Variants in IL1RN observed in about 807,000 individuals in gnomAD.
The protein encoded by IL1RN is interleukin 1 receptor antagonist, also known as interleukin-1 receptor antagonist protein.
A neutral mutation model predicts 13.7 loss-of-function variants in IL1RN; 10 were observed. The observed-to-expected ratio is 0.73, with a 90% CI of 0.45 to 1.24. IL1RN has a LOEUF of 1.24. IL1RN is among the 50% of genes most tolerant of loss of function. The pLI, the probability that IL1RN is intolerant of heterozygous loss-of-function variation, is 0.00. For synonymous variants in IL1RN, 102 were observed against 82.7 expected, an observed-to-expected ratio of 1.23 and a Z score of -1.27; for missense variants, 213 against 222.1, an observed-to-expected ratio of 0.96 and a Z score of 0.26.
At chr2:113,132,416 C>A (rs1192830075) in intron 3 of IL1RN, among the ~76,000 whole-genome samples, 2 of 152,150 alleles carry the variant, frequency 1.3e-5, no homozygotes, top group South Asian at 2.1e-4. Flanking sequence ...CCACTGCACT[C>A]CAGCCTAGGC....
chr2:113,133,077 T>G lies in IL1RN; in HGVS notation c.*206T>G. 2 of 640,596 alleles carry G rather than the reference T, an allele frequency of 3.1e-6. No individual in the cohort carries two copies. The highest frequency in any genetic ancestry group is 5.6e-6 in the Non-Finnish European group (2 of 355,462). 39.7% of individuals were successfully genotyped at this position (640,596 alleles called of 1,614,324 possible). A position where few individuals can be genotyped will look rare whatever the true frequency, so the allele number is the denominator to read the frequency against. On this transcript the variant is annotated 3_prime_UTR_variant, in exon 4 of 4. Coordinates refer to ENST00000409930, the MANE Select transcript of IL1RN (RefSeq NM_173842.3). ...TCCATGCTGCCTCCAGAATGGTCTT[T>G]CTAATGTGTGAATCAGAGCACAGCA...
chr2:113,114,994 G>C (rs567865213), upstream of IL1RN, among the ~76,000 whole-genome samples: 18 of 152,220 alleles, frequency 1.2e-4, no homozygotes, highest in East Asian at 2.1e-3. Flanking sequence ...GAACAAGAGG[G>C]GCTGTTTCAC....
chr2:113,105,410 C>T (rs1249214818), upstream of IL1RN, among the ~76,000 whole-genome samples: 11 of 152,170 alleles, frequency 7.2e-5, no homozygotes, highest in Admixed American at 5.9e-4. Flanking sequence ...CATTATGTCA[C>T]TCATTAAAGA....
upstream of IL1RN, among the ~76,000 whole-genome samples, chr2:113,106,339 G>A (rs570956768): frequency 5.9e-5 from 9 of 152,146 alleles, no homozygotes; most frequent in South Asian, 1.7e-3. Flanking sequence ...CTTTCCCCAG[G>A]CAGTAATTCT....
chr2:113,132,228 C>A (rs375048775), intron 3 of IL1RN, among the ~76,000 whole-genome samples: 1 of 152,216 alleles, frequency 6.6e-6, no homozygotes, highest in Non-Finnish European at 1.5e-5. Context: ...GTGGGCAGAT[C>A]ACGAGGTCAG....
chr2:113,123,286 C>G (rs1686842839), upstream of IL1RN, among the ~76,000 whole-genome samples: 1 of 152,330 alleles, frequency 6.6e-6, no homozygotes, highest in South Asian at 2.1e-4. Context: ...CTGTAAGGAA[C>G]TGCCTGAGCC....
intron 1 of IL1RN, 119 bp from the exon 2 acceptor site, chr2:113,129,457 T>C (rs2104455370): frequency 1.3e-6 from 1 of 767,532 alleles, no homozygotes; most frequent in Middle Eastern, 2.4e-4. Context: ...ACTAAAATAC[T>C]ATACCCCTGG....
Position 113,129,569 on chromosome 2 carries a change from T to A in IL1RN, c.117-7T>A. 2.5e-6 allele frequency: 4 copies of A among 1,596,834 alleles called. No individual in the cohort carries two copies. The highest frequency in any genetic ancestry group is 3.4e-6 in the Non-Finnish European group (4 of 1,164,188). On this transcript the variant is annotated splice_polypyrimidine_tract_variant and splice_region_variant and intron_variant, in intron 1 of 3. Transcript: ENST00000409930. Reference sequence around the variant, plus strand: ...GTGCACTACAGCTGAGTCCTTTTCCTTTTCAGAATCTGGGATGTTAACCAG... The same window carrying A: ...GTGCACTACAGCTGAGTCCTTTTCCATTTCAGAATCTGGGATGTTAACCAG...
intron 2 of IL1RN, chr2:113,121,571 G>A: frequency 1.0e-6 from 1 of 985,430 alleles, no homozygotes; most frequent in Non-Finnish European, 1.2e-6. Flanking sequence ...ATAAACTGCT[G>A]GGGCAAAAAT....
chr2:113,106,030 T>C (rs1273694882), upstream of IL1RN, among the ~76,000 whole-genome samples: 2 of 152,258 alleles, frequency 1.3e-5, no homozygotes, highest in African/African-American at 4.8e-5. Context: ...TCCTATTTTC[T>C]GCTAATTCAT....
At chr2:113,100,104 C>G in the IL1RN span, among the ~76,000 whole-genome samples, 1 of 146,216 alleles carries the variant, frequency 6.8e-6, no homozygotes, top group Non-Finnish European at 1.5e-5. Context: ...GGGCAGATCA[C>G]AAGGTCAGGA....
chr2:113,102,601 G>A (rs1366183271), upstream of IL1RN, among the ~76,000 whole-genome samples: 1 of 152,218 alleles, frequency 6.6e-6, no homozygotes, highest in Admixed American at 6.5e-5. Flanking sequence ...TTTCACCTGG[G>A]TGCAGGTGGG....
At chr2:113,129,270 G>A (rs1223693533) in intron 1 of IL1RN, among the ~76,000 whole-genome samples, 1 of 152,198 alleles carries the variant, frequency 6.6e-6, no homozygotes, top group Non-Finnish European at 1.5e-5. Context: ...TCTTTTGGAT[G>A]TTGCTGCTCT....
At chr2:113,110,760 A>G (rs1686481681), upstream of IL1RN, among the ~76,000 whole-genome samples, 2 of 152,248 alleles carry the variant, frequency 1.3e-5, no homozygotes. Flanking sequence ...AGCACCTGGC[A>G]TAGTGCCTGG....
At chr2:113,102,071 AC>A in the IL1RN span, among the ~76,000 whole-genome samples, 1 of 152,052 alleles carries the variant, frequency 6.6e-6, no homozygotes, top group Non-Finnish European at 1.5e-5. Context: ...CCCGCCCGAG[AC>A]TTTTTTTCTT....
At chr2:113,124,413 C>G (rs774438557), upstream of IL1RN, among the ~76,000 whole-genome samples, 3 of 149,496 alleles carry the variant, frequency 2.0e-5, no homozygotes, top group Non-Finnish European at 4.4e-5. Flanking sequence ...CCCTTTCTTC[C>G]TCTCCCTAAG....
upstream of IL1RN, among the ~76,000 whole-genome samples, chr2:113,104,997 T>G (rs1223843633): frequency 6.6e-6 from 1 of 152,092 alleles, no homozygotes; most frequent in Non-Finnish European, 1.5e-5. Flanking sequence ...CATAACACAG[T>G]GTAGTGATGT....
upstream of IL1RN, among the ~76,000 whole-genome samples, chr2:113,122,938 T>A (rs1686826399): frequency 6.6e-6 from 1 of 152,084 alleles, no homozygotes; most frequent in African/African-American, 2.4e-5. Context: ...CCAGCCTGAC[T>A]AACATAGTGA....
Position 113,129,529 on chromosome 2 carries a change from G to T in IL1RN, c.117-47G>T, listed in dbSNP as rs369385850. ...ACAGGAAGGTGCCAAGCACAAGGCT[G>T]GGCACATGGTGGCTGTGCACTACAG... On this transcript the variant is annotated intron_variant, in intron 1 of 3. Transcript: ENST00000409930. 6 of 1,182,976 alleles carry T rather than the reference G, an allele frequency of 5.1e-6. No individual in the cohort carries two copies. The African/African-American group carries it at 7.5e-5, about 15-fold the overall frequency. The allele number at this position is 1,182,976 out of a possible 1,614,324, so 73.3% of individuals were successfully genotyped here. A position where few individuals can be genotyped will look rare whatever the true frequency, so the allele number is the denominator to read the frequency against.
Sources: gnomAD v4.1 joint callset for allele counts (sites outside exome capture counted in the v4.1 genomes callset) on GRCh38, gnomAD v4.1.1 for gene constraint, MANE v1.5 for transcripts, NCBI Gene and HGNC (gene_info 2026-07-23, HGNC 2026-07-21) for gene names.